The following PNLIP variants were observed in gnomAD, a reference collection of about 807,000 sequenced individuals.
PNLIP encodes pancreatic lipase.
PNLIP carries 49 observed loss-of-function variants against 57.1 expected under a neutral mutation model. The ratio of observed to expected loss-of-function variants is 0.86; its 90% CI spans 0.68 to 1.09. The LOEUF (loss-of-function observed/expected upper bound fraction) is 1.09, where lower values mean the gene tolerates loss of function less well. Ranked by LOEUF, PNLIP falls within the 50% of genes least tolerant of loss-of-function variation. The pLI, the probability that PNLIP is intolerant of heterozygous loss-of-function variation, is 0.00. For synonymous variants in PNLIP, 209 were observed against 200.4 expected (o/e 1.04, Z -0.36); for missense variants, 503 against 570.2 (o/e 0.88, Z 1.20).
At chr10:116,553,549 T>A (rs952708787) in intron 5 of PNLIP, among the ~76,000 whole-genome samples, 178 bp from the exon 6 acceptor site, 11 of 152,358 alleles carry the variant, frequency 7.2e-5, no homozygotes, top group African/African-American at 2.4e-4. Flanking sequence ...AGCAACAGGC[T>A]GTACCACACA....
At position 116,548,422 on chromosome 10, in the gene PNLIP, C is replaced by T; in HGVS notation, c.264C>T (p.Arg88=). 1.2e-6 allele frequency: 2 copies of T among 1,613,938 alleles called. No homozygotes were observed. The highest frequency in any genetic ancestry group is 1.7e-6 in the Non-Finnish European group (2 of 1,179,832). ...GSNFKTNRKT[R]FIIHGFIDKG... ...ATTTCAAAACAAATAGAAAAACTCG[C>T]TTTATTATTCATGGATTCATAGACA... The change falls in exon 4 of 13, where the codon CGC becomes CGT. Residue 88 remains arginine, a synonymous_variant. Transcript: ENST00000369221.
intron 5 of PNLIP, among the ~76,000 whole-genome samples, chr10:116,552,867 C>A (rs1359681350): frequency 1.3e-5 from 2 of 152,008 alleles, no homozygotes; most frequent in Non-Finnish European, 2.9e-5. Flanking sequence ...GCCTGGGCAA[C>A]AGAGTGAGAC....
At chr10:116,555,131 T>A in intron 6 of PNLIP, 47 bp from the exon 7 acceptor site, 1 of 1,608,040 alleles carries the variant, frequency 6.2e-7, no homozygotes, top group Non-Finnish European at 8.5e-7. Context: ...TCTTAATACT[T>A]GTACTCAGGA....
At chr10:116,558,186 G>A (rs1314444912) in intron 9 of PNLIP, among the ~76,000 whole-genome samples, 4 of 145,266 alleles carry the variant, frequency 2.8e-5, no homozygotes, top group Non-Finnish European at 6.0e-5. Flanking sequence ...TTCTACTTAT[G>A]CAATCTTTCT....
At chr10:116,549,264 T>C (rs1031551859) in intron 4 of PNLIP, among the ~76,000 whole-genome samples, 2 of 151,724 alleles carry the variant, frequency 1.3e-5, no homozygotes, top group Admixed American at 1.3e-4. Flanking sequence ...GATCACGAGG[T>C]CAGGAGTTCG....
rs758663956 is a variant in PNLIP, at chr10:116,555,988, T to C, written c.812-12T>C. ...AATCTGTCCTTGATGTGTAATTGTG[T>C]CTGATTCAAAGGGACTCGAGACTTT... On this transcript the variant is annotated splice_polypyrimidine_tract_variant and intron_variant, in intron 8 of 12. Transcript: ENST00000369221. 8 of 1,496,472 alleles carry C rather than the reference T, an allele frequency of 5.3e-6. No homozygotes were observed. The Admixed American group carries it at 1.2e-4, about 22-fold the overall frequency. The allele number at this position is 1,496,472 out of a possible 1,614,324, so 92.7% of individuals were successfully genotyped here.
chr10:116,560,309 A>ACACACACAC, intron 10 of PNLIP, 107 bp from the exon 11 acceptor site: 1 of 609,458 alleles, frequency 1.6e-6, no homozygotes, highest in African/African-American at 1.9e-5. Flanking sequence ...ACACACACAC[A>ACACACACAC]ATTATAAATA....
intron 4 of PNLIP, among the ~76,000 whole-genome samples, chr10:116,550,121 C>T (rs1475534564): frequency 7.0e-6 from 1 of 142,204 alleles, no homozygotes. Flanking sequence ...TGCAGTGGCG[C>T]GATCTTGGCT....
chr10:116,546,159 T>C, intron 2 of PNLIP, 21 bp downstream of exon 2: 1 of 1,609,478 alleles, frequency 6.2e-7, no homozygotes, highest in Non-Finnish European at 8.5e-7. Flanking sequence ...AAATAAATGT[T>C]GAGCTGGGAG....
intron 5 of PNLIP, among the ~76,000 whole-genome samples, chr10:116,552,823 T>C (rs1847209076): frequency 1.3e-5 from 2 of 151,854 alleles, no homozygotes; most frequent in Admixed American, 6.6e-5. Flanking sequence ...GAGGTGGAGC[T>C]TGCAGTGAGC....
chr10:116,562,559 C>A (rs1308010573), intron 12 of PNLIP, among the ~76,000 whole-genome samples: 1 of 152,070 alleles, frequency 6.6e-6, no homozygotes, highest in Non-Finnish European at 1.5e-5. Context: ...ATGAGAAGAT[C>A]CAGGGAAGTA....
At chr10:116,560,249 A>G (rs967368690) in intron 10 of PNLIP, among the ~76,000 whole-genome samples, 167 bp from the exon 11 acceptor site, 3 of 151,140 alleles carry the variant, frequency 2.0e-5, no homozygotes. Context: ...ATATAAAGGA[A>G]TATCTATCAC....
At chr10:116,563,851 C>G (rs1416351750) in intron 12 of PNLIP, among the ~76,000 whole-genome samples, 2 of 151,956 alleles carry the variant, frequency 1.3e-5, no homozygotes, top group Non-Finnish European at 2.9e-5. Context: ...ATAATAGAAA[C>G]TTTCTGAAAT....
chr10:116,567,129 T>TTCTTTCTTTTCTTC (rs1847376283), intron 12 of PNLIP, among the ~76,000 whole-genome samples: 1 of 150,858 alleles, frequency 6.6e-6, no homozygotes, highest in Non-Finnish European at 1.5e-5. Context: ...TTCTCTTTCT[T>TTCTTTCTTTTCTTC]TCTTTCTTTC....
At chr10:116,546,051 A>G in intron 1 of PNLIP, 42 bp from the exon 2 acceptor site, 1 of 1,596,004 alleles carries the variant, frequency 6.3e-7, no homozygotes, top group Non-Finnish European at 8.6e-7. Context: ...CCGATCTTTT[A>G]AAAACTTAGC....
chr10:116,556,161 C>A, intron 9 of PNLIP, 43 bp downstream of exon 9: 2 of 1,100,970 alleles, frequency 1.8e-6, no homozygotes, highest in East Asian at 2.4e-5. Context: ...TTGTGACTGT[C>A]ACTTCTCATG....
chr10:116,547,188 C>T, intron 2 of PNLIP, 106 bp from the exon 3 acceptor site: 2 of 1,021,816 alleles, frequency 2.0e-6, no homozygotes, highest in Non-Finnish European at 3.0e-6. Flanking sequence ...TTGAGAGTAG[C>T]AGAGGAGGAA....
rs113061848 is a variant in PNLIP at position 116,561,218 on chromosome 10, C to T, written c.1170-254C>T. ...TGACTAATACATGTTTGAAGTTTTACTAAAGTAAAGGTGACTAATATGAGA... is the reference window on the plus strand; with the variant it reads ...TGACTAATACATGTTTGAAGTTTTATTAAAGTAAAGGTGACTAATATGAGA... On this transcript the variant is annotated intron_variant, in intron 11 of 12. Transcript: ENST00000369221. Among the ~76,000 whole-genome samples the T allele has an allele frequency of 3.7e-3, 560 of 152,198 alleles. 4 individuals carry two copies. Among genetic ancestry groups the T allele is most frequent in the African/African-American group, 0.013 (532 of 41,516 alleles).
intron 12 of PNLIP, among the ~76,000 whole-genome samples, chr10:116,562,181 G>A (rs1187160817): frequency 6.6e-6 from 1 of 152,130 alleles, no homozygotes; most frequent in Non-Finnish European, 1.5e-5. Context: ...ACCAATACTA[G>A]ACCAAGTATT....
Sources: gnomAD v4.1 joint callset for allele counts (sites outside exome capture counted in the v4.1 genomes callset) on GRCh38, gnomAD v4.1.1 for gene constraint, MANE v1.5 for transcripts, NCBI Gene and HGNC (gene_info 2026-07-23, HGNC 2026-07-21) for gene names.